ARHGAP26: variants seen among roughly 807,000 people sequenced by gnomAD.
ARHGAP26 encodes rho GTPase-activating protein 26.
A neutral mutation model predicts 104.8 loss-of-function variants in ARHGAP26; 38 were observed. The ratio of observed to expected loss-of-function variants is 0.36; its 90% CI spans 0.28 to 0.48. The LOEUF is 0.48. Among genes scored for constraint, ARHGAP26 ranks in the 20% least tolerant of loss-of-function variants. ARHGAP26 has a pLI of 0.99. For synonymous variants in ARHGAP26, 341 were observed against 340.0 expected, an observed-to-expected ratio of 1.00 and a Z score of -0.03; for missense variants, 704 against 947.9, an observed-to-expected ratio of 0.74 and a Z score of 3.38.
intron 20 of ARHGAP26, among the ~76,000 whole-genome samples, chr5:143,154,198 T>C (rs914750966): frequency 3.3e-5 from 5 of 150,268 alleles, no homozygotes; most frequent in Non-Finnish European, 7.4e-5. Flanking sequence ...ATGGATTTTA[T>C]ATTCTAGTGG....
intron 1 of ARHGAP26, among the ~76,000 whole-genome samples, chr5:142,863,743 C>T (rs541059062): frequency 2.5e-4 from 38 of 152,142 alleles, no homozygotes; most frequent in African/African-American, 9.2e-4. Context: ...TGTAGACTCT[C>T]GGGCTCCCAG....
intron 11 of ARHGAP26, among the ~76,000 whole-genome samples, chr5:142,974,887 T>A (rs921095267): frequency 6.6e-6 from 1 of 152,178 alleles, no homozygotes; most frequent in Non-Finnish European, 1.5e-5. Context: ...TTTGCTAGCC[T>A]CCCTTGTTCC....
intron 17 of ARHGAP26, among the ~76,000 whole-genome samples, chr5:143,095,871 C>T (rs1439315457): frequency 1.3e-5 from 2 of 152,244 alleles, no homozygotes; most frequent in Non-Finnish European, 2.9e-5. Flanking sequence ...TGCTCCAGGC[C>T]TCATATCTTC....
chr5:142,997,026 A>G (rs183217326), intron 11 of ARHGAP26, among the ~76,000 whole-genome samples: 320 of 152,324 alleles, frequency 2.1e-3, no homozygotes, highest in African/African-American at 7.6e-3. Context: ...AGACTGTTGA[A>G]ACTACTGAAC....
At chr5:142,825,243 TAGTAAC>T (rs1328640191) in intron 1 of ARHGAP26, among the ~76,000 whole-genome samples, 6 of 152,236 alleles carry the variant, frequency 3.9e-5, no homozygotes, top group Non-Finnish European at 8.8e-5. Context: ...TGCTCTATGT[TAGTAAC>T]AGTAACTTGT....
chr5:142,907,693 T>C lies in ARHGAP26; in HGVS notation c.833-11T>C, dbSNP rs747442115. The C allele has an allele frequency of 5.1e-6, 8 of 1,580,142 alleles. No individual in the cohort carries two copies. Among genetic ancestry groups the C allele is most frequent in the South Asian group, 1.1e-5 (1 of 87,112 alleles). On this transcript the variant is annotated splice_polypyrimidine_tract_variant and intron_variant, in intron 8 of 22. Transcript: ENST00000645722. ...ATGTATAGATATTTTATGGGAAATA[T>C]TACCTTTCAGGTCACTTTGGAACTT... is the stretch of plus-strand genomic sequence containing the variant.
Position 142,873,372 on chromosome 5 carries a change from C to T in ARHGAP26, c.155-28C>T, listed in dbSNP as rs576416706. The T allele has an allele frequency of 2.0e-5, 31 of 1,562,820 alleles. No homozygotes were observed. The African/African-American group carries it at 4.0e-4, about 20-fold the overall frequency. On this transcript the variant is annotated intron_variant, in intron 1 of 22. Coordinates refer to ENST00000645722, the MANE Select transcript of ARHGAP26 (RefSeq NM_001135608.3). ...AAAGCCAGTTTAATTTTAGTAATTC[C>T]TGATTTTTCCTGTCTTTTTCTTGCT...
intron 11 of ARHGAP26, among the ~76,000 whole-genome samples, chr5:142,970,556 TTC>T (rs1291880292): frequency 1.3e-5 from 2 of 152,204 alleles, no homozygotes; most frequent in Non-Finnish European, 2.9e-5. Context: ...TCCCCTATTG[TTC>T]CAATAGAAGT....
intron 1 of ARHGAP26, among the ~76,000 whole-genome samples, chr5:142,788,773 G>A (rs985809299): frequency 6.6e-5 from 10 of 152,174 alleles, no homozygotes; most frequent in Non-Finnish European, 1.3e-4. Context: ...CATAGATATT[G>A]GTATCTGTTG....
At chr5:142,776,441 T>TTG (rs1168133159) in intron 1 of ARHGAP26, among the ~76,000 whole-genome samples, 2 of 152,252 alleles carry the variant, frequency 1.3e-5, no homozygotes, top group African/African-American at 4.8e-5. Context: ...ATCTACTACT[T>TTG]TCTGTCTCTA....
At chr5:143,082,555 G>C (rs1789978578) in intron 17 of ARHGAP26, among the ~76,000 whole-genome samples, 2 of 152,308 alleles carry the variant, frequency 1.3e-5, no homozygotes, top group Non-Finnish European at 1.5e-5. Flanking sequence ...TTAATTTACA[G>C]AGGAGAACAC....
chr5:142,866,256 A>G (rs1597985578), intron 1 of ARHGAP26, among the ~76,000 whole-genome samples: 1 of 152,212 alleles, frequency 6.6e-6, no homozygotes, highest in East Asian at 1.9e-4. Flanking sequence ...CATTGATACC[A>G]GATTCTCAAA....
intron 20 of ARHGAP26, among the ~76,000 whole-genome samples, chr5:143,193,244 T>C (rs998398443): frequency 3.7e-3 from 306 of 83,404 alleles, no homozygotes; most frequent in African/African-American, 0.011. Flanking sequence ...TCTTTTCTTT[T>C]TTTTTTTTTT....
At chr5:142,800,075 G>A (rs1425690000) in intron 1 of ARHGAP26, among the ~76,000 whole-genome samples, 1 of 152,210 alleles carries the variant, frequency 6.6e-6, no homozygotes, top group Non-Finnish European at 1.5e-5. Context: ...CAGGCTCTGA[G>A]AGAGCCATAC....
At chr5:142,851,096 A>ATTT (rs570143559) in intron 1 of ARHGAP26, among the ~76,000 whole-genome samples, 2 of 143,438 alleles carry the variant, frequency 1.4e-5, no homozygotes, top group African/African-American at 2.6e-5. Flanking sequence ...TGGAAAATAC[A>ATTT]TTTTTTTTTT....
intron 17 of ARHGAP26, among the ~76,000 whole-genome samples, chr5:143,076,159 AT>A (rs368079758): frequency 1.6e-3 from 177 of 109,978 alleles, no homozygotes; most frequent in African/African-American, 4.7e-3. Context: ...GACCTGGCTA[AT>A]TTTTTTTTTT....
intron 20 of ARHGAP26, among the ~76,000 whole-genome samples, chr5:143,183,073 C>CAAAAAAAAAAAAAA (rs70991799): frequency 1.1e-5 from 1 of 89,962 alleles, no homozygotes; most frequent in Non-Finnish European, 2.4e-5. Context: ...TGAAAAGTGG[C>CAAAAAAAAAAAAAA]AAAAAAAAAA....
chr5:142,956,020 G>A (rs1769176266), intron 11 of ARHGAP26, among the ~76,000 whole-genome samples: 2 of 151,736 alleles, frequency 1.3e-5, no homozygotes, highest in African/African-American at 4.8e-5. Context: ...AAAGACAACA[G>A]GGAATTATCT....
rs1012754470 is a variant in ARHGAP26 at position 143,225,040 on chromosome 5, G to A, written c.*2594G>A. The A allele has an allele frequency of 4.5e-6, 1 of 224,662 alleles. No homozygotes were observed. The highest frequency in any genetic ancestry group is 6.5e-5 in the East Asian group (1 of 15,446). 13.9% of individuals were successfully genotyped at this position (224,662 alleles called of 1,614,324 possible). A position where few individuals can be genotyped will look rare whatever the true frequency, so the allele number is the denominator to read the frequency against. On this transcript the variant is annotated 3_prime_UTR_variant, in exon 23 of 23. Transcript: ENST00000645722. ...TGGGGAAAACTCGAGAAGAAAGGGA[G>A]TATACTAGTAGGTTAGATCTGTGAA...
Sources: allele counts gnomAD v4.1 joint callset (sites outside exome capture counted in the v4.1 genomes callset), GRCh38; gene constraint gnomAD v4.1.1; transcripts MANE v1.5; gene names NCBI Gene and HGNC (gene_info 2026-07-23, HGNC 2026-07-21).